The following GNAZ variants were observed in gnomAD, a reference collection of about 807,000 sequenced individuals.
The protein encoded by GNAZ is guanine nucleotide-binding protein G(z) subunit alpha.
A neutral mutation model predicts 25.4 loss-of-function variants in GNAZ; 3 were observed. That is an observed-to-expected ratio of 0.12 (90% confidence interval 0.05 to 0.30). GNAZ has a LOEUF of 0.30. Among genes scored for constraint, GNAZ ranks in the 10% least tolerant of loss-of-function variants. The pLI is 1.00. For missense variants in GNAZ, 241 were observed against 501.8 expected (o/e 0.48, Z 4.97); for synonymous variants, 211 against 205.7 (o/e 1.03, Z -0.22).
chr22:23,108,813 C>G (rs1300255709), intron 2 of GNAZ, among the ~76,000 whole-genome samples: 1 of 152,280 alleles, frequency 6.6e-6, no homozygotes, highest in African/African-American at 2.4e-5. Context: ...CAAGTGTTAG[C>G]ATCCTCTGCC....
Position 23,124,218 on chromosome 22 carries a change from T to G in GNAZ, c.*787T>G, listed in dbSNP as rs917468158. ...TTTTTTTTGTTTTGTTTTTTGGTTT[T>G]TTTTTTTTTTTGGCCAAATCTCGTG... On this transcript the variant is annotated 3_prime_UTR_variant, in exon 3 of 3. Transcript: ENST00000615612. The G allele has an allele frequency of 5.5e-5, 9 of 164,122 alleles. No individual in the cohort carries two copies. The highest frequency in any genetic ancestry group is 1.8e-4 in the East Asian group (1 of 5,424). The allele number at this position is 164,122 out of a possible 1,614,324, so 10.2% of individuals were successfully genotyped here.
chr22:23,070,892 G>C (rs1432981769), intron 1 of GNAZ: 1 of 152,272 alleles, frequency 6.6e-6, no homozygotes, highest in African/African-American at 2.4e-5. Flanking sequence ...CGGGGCCGCC[G>C]GGCGCCCCCA....
chr22:23,071,820 G>A lies in GNAZ; in HGVS notation c.-450+1250G>A, dbSNP rs2068386057. ...GAAGGACATGGGCACAGCTAAGCTG[G>A]GCATTGTGGGCAGAGAGGAGAGAAT... On this transcript the variant is annotated intron_variant, in intron 1 of 2. Coordinates refer to ENST00000615612, the MANE Select transcript of GNAZ (RefSeq NM_002073.4). The surrounding 1 kb of genome is among the most constrained non-coding windows in gnomAD (Gnocchi z 4.1). Among the ~76,000 whole-genome samples the A allele has an allele frequency of 6.6e-6, 1 of 152,192 alleles. No homozygotes were observed. Among genetic ancestry groups the A allele is most frequent in the Non-Finnish European group, 1.5e-5 (1 of 68,030 alleles).
At position 23,072,805 on chromosome 22, in the gene GNAZ, C is replaced by A. The variant is rs755612924; in HGVS notation, c.-450+2235C>A. 2.4e-4 allele frequency among the ~76,000 whole-genome samples: 36 copies of A among 152,206 alleles called. 1 individual carries two copies. The highest frequency in any genetic ancestry group is 8.5e-4 in the Admixed American group (13 of 15,286). On this transcript the variant is annotated intron_variant, in intron 1 of 2. Transcript: ENST00000615612. ...CCCAGCCTCTCAGTCCTTTTGTTTT[C>A]TAGAATCTCAGGAGGAACCTCAGAG... is the stretch of plus-strand genomic sequence containing the variant.
In GNAZ at chr22:23,089,262, T is replaced by G. The variant is rs567163577; in HGVS notation, c.-449-5985T>G. On this transcript the variant is annotated intron_variant, in intron 1 of 2. Coordinates refer to ENST00000615612, the MANE Select transcript of GNAZ (RefSeq NM_002073.4). ...CTTCGGTGACCTTGGCTGTGGGCTG[T>G]CTTCTTCTGCCTCAGCCGGGGGCAC... 3.3e-5 allele frequency among the ~76,000 whole-genome samples: 5 copies of G among 152,314 alleles called. No individual in the cohort carries two copies. The South Asian group carries it at 1.0e-3, about 32-fold the overall frequency.
chr22:23,102,923 C>T (rs748815317), intron 2 of GNAZ, among the ~76,000 whole-genome samples: 27 of 152,370 alleles, frequency 1.8e-4, no homozygotes, highest in Non-Finnish European at 3.5e-4. Flanking sequence ...GGTCAGCCAG[C>T]GTGGGCTCTG....
chr22:23,091,388 A>G (rs992619815), intron 1 of GNAZ, among the ~76,000 whole-genome samples: 1 of 152,146 alleles, frequency 6.6e-6, no homozygotes, highest in African/African-American at 2.4e-5. Context: ...ATGGACCTGC[A>G]TACACACAGG....
At chr22:23,109,646 G>C (rs2069587298) in intron 2 of GNAZ, among the ~76,000 whole-genome samples, 1 of 152,160 alleles carries the variant, frequency 6.6e-6, no homozygotes, top group Non-Finnish European at 1.5e-5. Flanking sequence ...AGCTGGAACA[G>C]AGCCCTCCGT....
At position 23,081,821 on chromosome 22, in the gene GNAZ, CAA is replaced by C. The variant is rs55713577; in HGVS notation, c.-450+11272_-450+11273del. Among the ~76,000 whole-genome samples the C allele has an allele frequency of 3.1e-3, 144 of 46,736 alleles. No individual in the cohort carries two copies. The South Asian group carries it at 0.032, about 10-fold the overall frequency. The allele number at this position is 46,736 out of a possible 152,430, so 30.7% of individuals were successfully genotyped here. On this transcript the variant is annotated intron_variant, in intron 1 of 2. Coordinates refer to ENST00000615612, the MANE Select transcript of GNAZ (RefSeq NM_002073.4). The stretch of plus-strand genomic sequence containing the variant: ...TGGGCAACAGAGTGAGATTCCATCT[CAA>C]AAAAAAAAAAAAAAAAAAAAGGCCA...
chr22:23,094,551 A>C (rs140873367), intron 1 of GNAZ, among the ~76,000 whole-genome samples: 92 of 152,258 alleles, frequency 6.0e-4, no homozygotes, highest in African/African-American at 2.1e-3. Context: ...TGCAGCCCCC[A>C]GCTCCTTGGT....
chr22:23,081,711 A>G (rs946172210), intron 1 of GNAZ, among the ~76,000 whole-genome samples: 4 of 151,072 alleles, frequency 2.6e-5, no homozygotes, highest in East Asian at 2.0e-4. Flanking sequence ...AATCCCAGCT[A>G]CTTGGGAGGC....
intron 2 of GNAZ, among the ~76,000 whole-genome samples, chr22:23,112,694 A>G (rs2283803): frequency 0.51 from 77,118 of 152,048 alleles, 19,987 homozygotes; most frequent in East Asian, 0.62. Context: ...TGCTCAAGGT[A>G]AGCACGATGC....
At chr22:23,110,084 C>T (rs2069603440) in intron 2 of GNAZ, among the ~76,000 whole-genome samples, 1 of 152,192 alleles carries the variant, frequency 6.6e-6, no homozygotes, top group South Asian at 2.1e-4. Flanking sequence ...AGCTCTGTCC[C>T]CAGACACCTC....
intron 1 of GNAZ, among the ~76,000 whole-genome samples, chr22:23,084,000 A>G (rs932451682): frequency 6.6e-6 from 1 of 152,170 alleles, no homozygotes. Context: ...AGATGCAGCC[A>G]GAGAGGCAGG....
chr22:23,120,849 T>C (rs1426057709), intron 2 of GNAZ, among the ~76,000 whole-genome samples: 1 of 152,176 alleles, frequency 6.6e-6, no homozygotes, highest in Non-Finnish European at 1.5e-5. Context: ...CAGGGCGCGC[T>C]CAGCAAGTGT....
At chr22:23,120,150 C>A (rs1203175609) in intron 2 of GNAZ, among the ~76,000 whole-genome samples, 4 of 152,178 alleles carry the variant, frequency 2.6e-5, no homozygotes, top group African/African-American at 7.2e-5. Context: ...ACCTGAGTTT[C>A]CATGACCTCT....
chr22:23,080,832 C>G (rs1042294053), intron 1 of GNAZ, among the ~76,000 whole-genome samples: 1 of 152,212 alleles, frequency 6.6e-6, no homozygotes, highest in African/African-American at 2.4e-5. Context: ...GCGCAAAAAC[C>G]CTTTTTACCT....
At chr22:23,116,673 C>T (rs1193508638) in intron 2 of GNAZ, among the ~76,000 whole-genome samples, 1 of 152,184 alleles carries the variant, frequency 6.6e-6, no homozygotes, top group Admixed American at 6.5e-5. Context: ...GAGGTCAGAA[C>T]GTGTGAGGCC....
rs2070094557 is a variant in GNAZ at position 23,123,637 on chromosome 22, G to A, written c.*206G>A. ...GCTAGGTAGATAGACACACACACAT[G>A]CACACACACACATCTGGAGATGGCA... is the stretch of plus-strand genomic sequence containing the variant. On this transcript the variant is annotated 3_prime_UTR_variant, in exon 3 of 3. Transcript: ENST00000615612. 6.9e-6 allele frequency: 4 copies of A among 579,426 alleles called. No homozygotes were observed. The highest frequency in any genetic ancestry group is 1.9e-5 in the African/African-American group (1 of 53,448). 35.9% of individuals were successfully genotyped at this position (579,426 alleles called of 1,614,324 possible).
Sources: gnomAD v4.1 joint callset for allele counts (sites outside exome capture counted in the v4.1 genomes callset) on GRCh38, gnomAD v4.1.1 for gene constraint, Gnocchi (gnomAD v3.1) non-coding constraint, MANE v1.5 for transcripts, NCBI Gene and HGNC (gene_info 2026-07-23, HGNC 2026-07-21) for gene names.